The following BASP1 variants were observed in gnomAD, a reference collection of about 807,000 sequenced individuals.
The protein encoded by BASP1 is brain acid soluble protein 1.
In BASP1, 1 loss-of-function variant was observed where a neutral mutation model predicts 2.2. That is an observed-to-expected ratio of 0.46 (90% CI 0.16 to 2.17). The LOEUF (loss-of-function observed/expected upper bound fraction) is 2.17. BASP1 is among the 30% of genes most tolerant of loss of function. The pLI is 0.27. For missense variants in BASP1, 352 were observed against 327.2 expected (o/e 1.08, Z -0.58); for synonymous variants, 187 against 154.2 (o/e 1.21, Z -1.58).
intron 1 of BASP1, among the ~76,000 whole-genome samples, chr5:17,220,969 A>G (rs1214426192): frequency 1.3e-5 from 2 of 152,182 alleles, no homozygotes; most frequent in Admixed American, 1.3e-4. Context: ...TAAAAATTGC[A>G]AAATCCACAC....
intron 1 of BASP1, among the ~76,000 whole-genome samples, chr5:17,229,864 ACCTCTG>A (rs1471320746): frequency 6.7e-6 from 1 of 149,444 alleles, no homozygotes; most frequent in Non-Finnish European, 1.5e-5. Context: ...GCTCACTGCA[ACCTCTG>A]CCTCCCGGGT....
chr5:17,220,587 C>T (rs73050879), intron 1 of BASP1, among the ~76,000 whole-genome samples: 4,733 of 152,248 alleles, frequency 0.031, 256 homozygotes, highest in African/African-American at 0.11. Context: ...TGATAAAAAG[C>T]ACCAACAATG....
intron 1 of BASP1, among the ~76,000 whole-genome samples, chr5:17,235,121 A>G (rs916352312): frequency 5.3e-5 from 8 of 152,104 alleles, no homozygotes; most frequent in Non-Finnish European, 1.0e-4. Context: ...TCTTGAACAC[A>G]GTGTTTGTAG....
chr5:17,262,113 T>G (rs1561175188), intron 1 of BASP1, among the ~76,000 whole-genome samples: 1 of 151,508 alleles, frequency 6.6e-6, no homozygotes, highest in Non-Finnish European at 1.5e-5. Context: ...CTACAAGAGC[T>G]GTTTTTCTGC....
chr5:17,262,937 C>G (rs1740345068), intron 1 of BASP1, among the ~76,000 whole-genome samples: 1 of 151,980 alleles, frequency 6.6e-6, no homozygotes, highest in Non-Finnish European at 1.5e-5. Context: ...AGCTCCGCCT[C>G]CCTGGTTCAT....
In BASP1 at chr5:17,269,461, T is replaced by G. The variant is rs75885071; in HGVS notation, c.-9-5747T>G. 7.4e-3 allele frequency among the ~76,000 whole-genome samples: 1,126 copies of G among 152,336 alleles called. 10 individuals carry two copies. The highest frequency in any genetic ancestry group is 0.026 in the African/African-American group (1,061 of 41,576). On this transcript the variant is annotated intron_variant, in intron 1 of 1. Coordinates refer to ENST00000322611, the MANE Select transcript of BASP1 (RefSeq NM_006317.5). ...ACTTCCAACCCTCCCTCTGACCTTTTCAGGCCTCCCTCTGATTTGCCTGCT... is the reference window on the plus strand; with the variant it reads ...ACTTCCAACCCTCCCTCTGACCTTTGCAGGCCTCCCTCTGATTTGCCTGCT...
chr5:17,221,755 G>C (rs906444782), intron 1 of BASP1, among the ~76,000 whole-genome samples: 4 of 152,020 alleles, frequency 2.6e-5, no homozygotes, highest in Non-Finnish European at 5.9e-5. Flanking sequence ...AATTATAGTG[G>C]ACAACTATTA....
At chr5:17,229,834 A>G (rs1739593098) in intron 1 of BASP1, among the ~76,000 whole-genome samples, 1 of 136,440 alleles carries the variant, frequency 7.3e-6, no homozygotes, top group African/African-American at 2.8e-5. Context: ...CCCAGGCTGG[A>G]GTGCAGTGGC....
chr5:17,275,390 C>A lies in BASP1; in HGVS notation c.174C>A (p.Pro58=), dbSNP rs201939947. 3.8e-6 allele frequency: 6 copies of A among 1,586,676 alleles called. No individual in the cohort carries two copies. In the East Asian group the frequency reaches 1.4e-4, roughly 36 times the overall value. The part of the protein sequence containing the change: ...PAEAKEGKEK[P]DQDAEGKAEE... The stretch of plus-strand genomic sequence containing the variant: ...AGGCCAAGGAGGGCAAGGAGAAGCC[C>A]GACCAGGACGCCGAGGGCAAGGCCG... Residue 58 remains proline, a synonymous_variant, in exon 2 of 2, where the codon CCC becomes CCA. Transcript: ENST00000322611. This position sits in a 1 kb window ranked among gnomAD's most constrained non-coding sequence, Gnocchi z 5.3.
chr5:17,223,516 T>A (rs551479986), intron 1 of BASP1, among the ~76,000 whole-genome samples: 26 of 152,178 alleles, frequency 1.7e-4, no homozygotes, highest in Non-Finnish European at 1.9e-4. Context: ...AAGTCTGCGG[T>A]TTAGAAAACT....
intron 1 of BASP1, among the ~76,000 whole-genome samples, chr5:17,263,892 G>T (rs298590): frequency 1.5e-4 from 23 of 152,248 alleles, no homozygotes; most frequent in Non-Finnish European, 2.8e-4. Context: ...GCACCTCTTA[G>T]GACAGTTTCC....
chr5:17,267,714 T>C (rs1740442114), intron 1 of BASP1, among the ~76,000 whole-genome samples: 1 of 151,122 alleles, frequency 6.6e-6, no homozygotes, highest in Non-Finnish European at 1.5e-5. Context: ...AGACGAGGTT[T>C]CACCATGTTG....
At position 17,275,943 on chromosome 5, in the gene BASP1, T is replaced by TCC. The variant is rs1561180315; in HGVS notation, c.*44_*45dup. On this transcript the variant is annotated 3_prime_UTR_variant, in exon 2 of 2. Transcript: ENST00000322611. This position sits in a 1 kb window ranked among gnomAD's most constrained non-coding sequence, Gnocchi z 5.3. ...AAAAACAATACCACTTAAAACAATCTCCTCTCTCTCTCTCTCTCTCTCTCT... is the reference window on the plus strand; with the variant it reads ...AAAAACAATACCACTTAAAACAATCTCCCCTCTCTCTCTCTCTCTCTCTCTCT... 1.5e-6 allele frequency: 2 copies of TCC among 1,338,006 alleles called. No individual in the cohort carries two copies. The highest frequency in any genetic ancestry group is 4.8e-5 in the African/African-American group (2 of 41,764). The allele number at this position is 1,338,006 out of a possible 1,614,324, so 82.9% of individuals were successfully genotyped here.
chr5:17,242,379 G>C (rs1358963625), intron 1 of BASP1, among the ~76,000 whole-genome samples: 1 of 152,102 alleles, frequency 6.6e-6, no homozygotes, highest in Non-Finnish European at 1.5e-5. Context: ...GGAAGGTACG[G>C]AGGTTTCCCA....
At position 17,275,357 on chromosome 5, in the gene BASP1, G is replaced by A; in HGVS notation, c.141G>A (p.Glu47=). 6.3e-7 allele frequency: 1 copy of A among 1,594,782 alleles called. No individual in the cohort carries two copies. Among genetic ancestry groups the A allele is most frequent in the South Asian group, 1.1e-5 (1 of 89,436 alleles). Residue 47 remains glutamate, a synonymous_variant, in exon 2 of 2, where the codon GAG becomes GAA. Coordinates refer to ENST00000322611, the MANE Select transcript of BASP1 (RefSeq NM_006317.5). The surrounding 1 kb of genome is among the most constrained non-coding windows in gnomAD (Gnocchi z 5.3). ...PKESEPQAAA[E]PAEAKEGKEK... is the part of the protein sequence containing the mutation. ...AGAGTGAGCCCCAGGCGGCCGCAGA[G>A]CCCGCCGAGGCCAAGGAGGGCAAGG...
intron 1 of BASP1, among the ~76,000 whole-genome samples, chr5:17,231,526 TAC>T (rs1385249801): frequency 6.6e-6 from 1 of 152,192 alleles, no homozygotes; most frequent in Non-Finnish European, 1.5e-5. Context: ...CCTCCGTTCC[TAC>T]ACACTCTCTC....
At position 17,275,662 on chromosome 5, in the gene BASP1, A is replaced by G. The variant is rs1317728877; in HGVS notation, c.446A>G (p.Lys149Arg). ...CCCAGCAAGGAGGAAGGGGAACCCAAAAAGACTGAGGCGCCCGCAGCTCCT... is the reference window on the plus strand; with the variant it reads ...CCCAGCAAGGAGGAAGGGGAACCCAGAAAGACTGAGGCGCCCGCAGCTCCT... ...EEPSKEEGEP[K>R]KTEAPAAPAA... Residue 149 changes from lysine (K) to arginine (R), a missense_variant, in exon 2 of 2, where the codon AAA (lysine) becomes AGA (arginine). Physicochemically the swap from Lys to Arg is conservative, Grantham distance 26. Coordinates refer to ENST00000322611, the MANE Select transcript of BASP1 (RefSeq NM_006317.5). The surrounding 1 kb of genome is among the most constrained non-coding windows in gnomAD (Gnocchi z 5.3). 5 of 1,548,632 alleles carry G rather than the reference A, an allele frequency of 3.2e-6. No homozygotes were observed. In the Admixed American group the frequency reaches 6.1e-5, roughly 19 times the overall value.
intron 1 of BASP1, among the ~76,000 whole-genome samples, chr5:17,263,564 A>T (rs575039678): frequency 6.6e-6 from 1 of 152,366 alleles, no homozygotes; most frequent in Non-Finnish European, 1.5e-5. Context: ...GTGCATCTGT[A>T]GGACTAGACT....
intron 1 of BASP1, among the ~76,000 whole-genome samples, chr5:17,230,073 A>G (rs2126492153): frequency 6.6e-6 from 1 of 152,296 alleles, no homozygotes; most frequent in African/African-American, 2.4e-5. Context: ...TTTCTAAATC[A>G]GAATGGAATG....
Sources: gnomAD v4.1 joint callset for allele counts (sites outside exome capture counted in the v4.1 genomes callset) on GRCh38, gnomAD v4.1.1 for gene constraint, Gnocchi (gnomAD v3.1) non-coding constraint, MANE v1.5 for transcripts, NCBI Gene and HGNC (gene_info 2026-07-23, HGNC 2026-07-21) for gene names.